The following GYG2 variants were observed in gnomAD, a reference collection of about 807,000 sequenced individuals.
GYG2 encodes the protein glycogenin-2.
GYG2 carries 29 observed loss-of-function variants against 29.4 expected under a neutral mutation model. The ratio of observed to expected loss-of-function variants is 0.99; its 90% CI spans 0.74 to 1.35. The LOEUF (loss-of-function observed/expected upper bound fraction) is 1.35, where lower values mean the gene tolerates loss of function less well. Ranked by LOEUF, GYG2 falls within the 40% of genes most tolerant of loss-of-function variation. The probability of loss-of-function intolerance (pLI) is 0.00; values close to 1 mark genes in which losing one functional copy is unlikely to be tolerated. For synonymous variants in GYG2, 167 were observed against 172.3 expected, an observed-to-expected ratio of 0.97 and a Z score of 0.24; for missense variants, 370 against 385.7, an observed-to-expected ratio of 0.96 and a Z score of 0.34.
intron 8 of GYG2, among the ~76,000 whole-genome samples, chrX:2,863,874 T>C (rs1051109448): frequency 9.0e-6 from 1 of 111,578 alleles, no homozygotes; most frequent in Admixed American, 9.5e-5. Flanking sequence ...CCTTACATGA[T>C]GTGCAAAACG....
At chrX:2,852,206 A>G (rs2049251369) in intron 3 of GYG2, among the ~76,000 whole-genome samples, 1 of 112,210 alleles carries the variant, frequency 8.9e-6, no homozygotes, top group African/African-American at 3.2e-5. Context: ...GCAATGAGCT[A>G]TGATTGCACC....
intron 8 of GYG2, among the ~76,000 whole-genome samples, 166 bp downstream of exon 8, chrX:2,861,888 G>A (rs1424789181): frequency 9.0e-6 from 1 of 111,527 alleles, no homozygotes; most frequent in Non-Finnish European, 1.9e-5. Context: ...TTGCATTACG[G>A]CACACCGAAT....
At chrX:2,872,839 C>G (rs2088504742) in intron 8 of GYG2, among the ~76,000 whole-genome samples, 1 of 112,079 alleles carries the variant, frequency 8.9e-6, no homozygotes, top group South Asian at 3.7e-4. Flanking sequence ...AGAGTCATTT[C>G]TGCAGGTCCT....
intron 3 of GYG2, among the ~76,000 whole-genome samples, chrX:2,845,770 C>T (rs1421099348): frequency 3.0e-5 from 3 of 101,201 alleles, no homozygotes; most frequent in Non-Finnish European, 6.0e-5. Flanking sequence ...TATATATATG[C>T]ATGTGTATGT....
chrX:2,850,032 A>C (rs182965172), intron 3 of GYG2, among the ~76,000 whole-genome samples: 56 of 111,205 alleles, frequency 5.0e-4, no homozygotes, highest in African/African-American at 1.7e-3. Flanking sequence ...CGGGAGGATC[A>C]CTGGAGCCTA....
intron 8 of GYG2, among the ~76,000 whole-genome samples, chrX:2,874,151 G>C (rs1448561052): frequency 9.0e-6 from 1 of 111,646 alleles, no homozygotes; most frequent in Non-Finnish European, 1.9e-5. Context: ...AGTTAGAATA[G>C]TCAAATTAAA....
In GYG2 at chrX:2,843,210, C is replaced by T; in HGVS notation, c.8-3C>T. On this transcript the variant is annotated splice_polypyrimidine_tract_variant and splice_region_variant and intron_variant, in intron 2 of 10. Coordinates refer to ENST00000398806, the MANE Select transcript of GYG2 (RefSeq NM_001079855.2). The stretch of plus-strand genomic sequence containing the variant: ...ACTCTGGTGTTTCTGTTGATTTTCA[C>T]AGTGACTGATCAGGCTTTTGTCACA... 1.1e-5 allele frequency: 13 copies of T among 1,203,323 alleles called. No individual in the cohort carries two copies. The highest frequency in any genetic ancestry group is 1.5e-5 in the Non-Finnish European group (13 of 887,966).
At chrX:2,871,665 G>T (rs1203519430) in intron 8 of GYG2, among the ~76,000 whole-genome samples, 1 of 110,432 alleles carries the variant, frequency 9.1e-6, no homozygotes, top group Admixed American at 9.7e-5. Context: ...ACTCCAGCCT[G>T]GGCAACAGAA....
At chrX:2,829,982 G>A in intron 1 of GYG2, 79 bp from the exon 2 acceptor site, 1 of 427,889 alleles carries the variant, frequency 2.3e-6, no homozygotes, top group East Asian at 4.0e-5. Context: ...CAGGTGACAT[G>A]GAGTGGGTAG....
In GYG2 at chrX:2,860,993, G is replaced by T. The variant is rs192423397; in HGVS notation, c.838-529G>T. Among the ~76,000 whole-genome samples the T allele has an allele frequency of 7.4e-3, 810 of 109,657 alleles. 15 individuals are homozygous for T. Among genetic ancestry groups the T allele is most frequent in the African/African-American group, 0.025 (758 of 30,102 alleles). ...CATCCACCCGCCTCAGCCTCCCAAA[G>T]TGCTGGGATTACAGGCGTGAGCCAC... On this transcript the variant is annotated intron_variant, in intron 7 of 10. Transcript: ENST00000398806.
Position 2,876,467 on chromosome X carries a change from C to T in GYG2, c.1143+553C>T, listed in dbSNP as rs139554055. ...TATCTTAGTAAAATGCTTCTGTAGGCATTTGGTATAAACAAGTCAAATCTC... is the reference window on the plus strand; with the variant it reads ...TATCTTAGTAAAATGCTTCTGTAGGTATTTGGTATAAACAAGTCAAATCTC... On this transcript the variant is annotated intron_variant, in intron 9 of 10. Coordinates refer to ENST00000398806, the MANE Select transcript of GYG2 (RefSeq NM_001079855.2). 1.3e-3 allele frequency among the ~76,000 whole-genome samples: 142 copies of T among 111,016 alleles called. 1 individual carries two copies. In the East Asian group the frequency reaches 0.038, roughly 30 times the overall value.
chrX:2,846,036 CATATATAT>C (rs199823755), intron 3 of GYG2, among the ~76,000 whole-genome samples: 4 of 33,054 alleles, frequency 1.2e-4, no homozygotes, highest in African/African-American at 4.4e-4. Flanking sequence ...TATATATACA[CATATATAT>C]ATATATATAT....
intron 8 of GYG2, among the ~76,000 whole-genome samples, chrX:2,872,685 A>G (rs1474427151): frequency 8.9e-6 from 1 of 112,502 alleles, no homozygotes; most frequent in East Asian, 2.8e-4. Context: ...GGGAGAAATT[A>G]GATGACAGAA....
chrX:2,847,464 G>C (rs139084588), intron 3 of GYG2, among the ~76,000 whole-genome samples: 2,921 of 105,210 alleles, frequency 0.028, 120 homozygotes, highest in African/African-American at 0.095. Flanking sequence ...TGAAGCAGGT[G>C]GATCACTTGA....
At chrX:2,874,074 T>C (rs2088536919) in intron 8 of GYG2, among the ~76,000 whole-genome samples, 1 of 109,264 alleles carries the variant, frequency 9.2e-6, no homozygotes, top group African/African-American at 3.4e-5. Flanking sequence ...CCAGCCTGGG[T>C]GACTCTGTCT....
rs1338595559 is a variant in GYG2 at position 2,881,988 on chromosome X, G to C, written c.*775G>C. ...GCTCTCTGCTTGACAACAAAAGTCAGGGTGCAGTCGGTCCACCCTTGACTG... is the reference window on the plus strand; with the variant it reads ...GCTCTCTGCTTGACAACAAAAGTCACGGTGCAGTCGGTCCACCCTTGACTG... On this transcript the variant is annotated 3_prime_UTR_variant, in exon 11 of 11. Coordinates refer to ENST00000398806, the MANE Select transcript of GYG2 (RefSeq NM_001079855.2). The C allele has an allele frequency of 9.1e-6, 1 of 110,063 alleles. No homozygotes were observed. The highest frequency in any genetic ancestry group is 1.9e-5 in the Non-Finnish European group (1 of 52,746). 9.1% of individuals were successfully genotyped at this position (110,063 alleles called of 1,213,427 possible).
At chrX:2,862,032 G>A (rs1458581117) in intron 8 of GYG2, among the ~76,000 whole-genome samples, 1 of 108,998 alleles carries the variant, frequency 9.2e-6, no homozygotes, top group African/African-American at 3.3e-5. Context: ...CTTGGATTCT[G>A]GGAGTGGGCT....
intron 2 of GYG2, among the ~76,000 whole-genome samples, chrX:2,833,084 C>A (rs887441517): frequency 4.5e-5 from 5 of 111,683 alleles, no homozygotes; most frequent in African/African-American, 1.6e-4. Context: ...ACAGACTGGG[C>A]GGCTTAAACA....
chrX:2,860,742 T>C (rs2088142538), intron 7 of GYG2, among the ~76,000 whole-genome samples: 1 of 109,516 alleles, frequency 9.1e-6, no homozygotes, highest in Admixed American at 9.8e-5. Flanking sequence ...TGTTTGTTTG[T>C]TTTTTGAGAC....
Sources: gnomAD v4.1 joint callset for allele counts (sites outside exome capture counted in the v4.1 genomes callset) on GRCh38, gnomAD v4.1.1 for gene constraint, MANE v1.5 for transcripts, NCBI Gene and HGNC (gene_info 2026-07-23, HGNC 2026-07-21) for gene names.